LARP4B: variants seen among roughly 807,000 people sequenced by gnomAD.
The protein encoded by LARP4B is La ribonucleoprotein 4B.
In LARP4B, 12 loss-of-function variants were observed where a neutral mutation model predicts 89.8. The observed-to-expected ratio is 0.13, with a 90% CI of 0.09 to 0.22. The LOEUF (loss-of-function observed/expected upper bound fraction) is 0.22, where lower values mean the gene tolerates loss of function less well. Among genes scored for constraint, LARP4B ranks in the 10% least tolerant of loss-of-function variants. The pLI is 1.00. For synonymous variants in LARP4B, 367 were observed against 363.3 expected (o/e 1.01, Z -0.12); for missense variants, 757 against 947.7 (o/e 0.80, Z 2.64).
At chr10:976,444 G>GTGGT in the LARP4B span, among the ~76,000 whole-genome samples, 1 of 148,330 alleles carries the variant, frequency 6.7e-6, no homozygotes, top group African/African-American at 2.5e-5. Flanking sequence ...CGCGTAATGT[G>GTGGT]CGGTCCGGCC....
chr10:938,326 C>G, the LARP4B span, among the ~76,000 whole-genome samples: 2 of 150,846 alleles, frequency 1.3e-5, no homozygotes, highest in African/African-American at 4.9e-5. Context: ...TTTGGGCTCA[C>G]TACAAGCTCC....
At chr10:859,843 G>GA (rs1167038538) in intron 5 of LARP4B, among the ~76,000 whole-genome samples, 2 of 145,886 alleles carry the variant, frequency 1.4e-5, no homozygotes, top group East Asian at 2.0e-4. Flanking sequence ...TGGAGACAGT[G>GA]AAAAAACCAA....
intron 5 of LARP4B, among the ~76,000 whole-genome samples, chr10:845,769 G>T (rs1035771289): frequency 8.5e-5 from 13 of 152,166 alleles, no homozygotes; most frequent in African/African-American, 2.9e-4. Flanking sequence ...GCATAAAGAG[G>T]TATTTTAATA....
chr10:975,056 C>T, the LARP4B span, among the ~76,000 whole-genome samples: 1 of 152,228 alleles, frequency 6.6e-6, no homozygotes, highest in African/African-American at 2.4e-5. Context: ...CCACTAGTCA[C>T]CACCACAGCA....
At chr10:846,495 C>T (rs528364814) in intron 5 of LARP4B, among the ~76,000 whole-genome samples, 2 of 152,122 alleles carry the variant, frequency 1.3e-5, no homozygotes, top group African/African-American at 4.8e-5. Flanking sequence ...CACAGGGGTC[C>T]CAAGGTGGGG....
intron 1 of LARP4B, among the ~76,000 whole-genome samples, chr10:891,369 C>T (rs137965156): frequency 1.4e-4 from 22 of 152,098 alleles, no homozygotes; most frequent in African/African-American, 4.8e-4. Context: ...AAAAGAAAAA[C>T]GATAATCAGA....
intron 5 of LARP4B, among the ~76,000 whole-genome samples, chr10:857,372 T>C (rs1370914104): frequency 6.6e-6 from 1 of 152,140 alleles, no homozygotes; most frequent in Non-Finnish European, 1.5e-5. Context: ...CAGACTGCCT[T>C]TGATGGGCTA....
chr10:977,029 G>A, the LARP4B span, among the ~76,000 whole-genome samples: 1 of 152,176 alleles, frequency 6.6e-6, no homozygotes, highest in Non-Finnish European at 1.5e-5. Flanking sequence ...TTTCTTGTCT[G>A]CAAAATGAGA....
chr10:929,242 A>G (rs930327592), intron 1 of LARP4B, among the ~76,000 whole-genome samples: 1 of 145,768 alleles, frequency 6.9e-6, no homozygotes, highest in African/African-American at 2.8e-5. Flanking sequence ...AAACAAAAAA[A>G]CAAAAACAAA....
chr10:847,511 A>G (rs927734158), intron 5 of LARP4B, among the ~76,000 whole-genome samples: 18 of 151,420 alleles, frequency 1.2e-4, no homozygotes, highest in African/African-American at 4.3e-4. Flanking sequence ...CCTATGTGAC[A>G]TGAAACTTTT....
At chr10:929,564 C>T (rs1451949207) in intron 1 of LARP4B, among the ~76,000 whole-genome samples, 1 of 151,198 alleles carries the variant, frequency 6.6e-6, no homozygotes, top group Non-Finnish European at 1.5e-5. Context: ...TGTCACTGCA[C>T]TCCATCCTGG....
chr10:924,101 G>A (rs990857086), intron 1 of LARP4B, among the ~76,000 whole-genome samples: 31 of 152,098 alleles, frequency 2.0e-4, no homozygotes, highest in African/African-American at 7.2e-4. Flanking sequence ...TAATTAGCCA[G>A]GTGTGGTGGC....
At position 812,816 on chromosome 10, in the gene LARP4B, G is replaced by C; in HGVS notation, c.*110C>G. 4 of 978,380 alleles carry C rather than the reference G, an allele frequency of 4.1e-6. No individual in the cohort carries two copies. The highest frequency in any genetic ancestry group is 5.6e-6 in the Non-Finnish European group (4 of 720,654). 60.6% of individuals were successfully genotyped at this position (978,380 alleles called of 1,614,324 possible). A position where few individuals can be genotyped will look rare whatever the true frequency, so the allele number is the denominator to read the frequency against. On this transcript the variant is annotated 3_prime_UTR_variant, in exon 18 of 18. Transcript: ENST00000316157. ...GAAAACCAACTTGAGGATCCCACAG[G>C]CCTCAGACACTGCAAGCTCCTAACC...
intron 7 of LARP4B, among the ~76,000 whole-genome samples, chr10:838,028 T>C (rs971548530): frequency 2.6e-5 from 4 of 152,076 alleles, no homozygotes; most frequent in Non-Finnish European, 4.4e-5. Flanking sequence ...TCATTGACAA[T>C]GTGACCGTGG....
chr10:883,618 T>C (rs777209558), intron 3 of LARP4B, among the ~76,000 whole-genome samples: 1 of 151,786 alleles, frequency 6.6e-6, no homozygotes, highest in Non-Finnish European at 1.5e-5. Context: ...GAAGGTGTCT[T>C]TTGTTTTTTT....
At chr10:820,645 C>T in intron 14 of LARP4B, 155 bp downstream of exon 14, 3 of 683,592 alleles carry the variant, frequency 4.4e-6, no homozygotes, top group Non-Finnish European at 7.3e-6. Context: ...CCTAGGCCAG[C>T]CAGGGTGTCA....
intron 1 of LARP4B, among the ~76,000 whole-genome samples, chr10:895,110 C>T (rs894027712): frequency 6.6e-6 from 1 of 152,026 alleles, no homozygotes; most frequent in African/African-American, 2.4e-5. Flanking sequence ...TGCCTGAATC[C>T]GGGAGGCAGA....
At chr10:863,537 A>G (rs1425049262) in intron 5 of LARP4B, among the ~76,000 whole-genome samples, 1 of 152,044 alleles carries the variant, frequency 6.6e-6, no homozygotes, top group Non-Finnish European at 1.5e-5. Flanking sequence ...CCCAGGTTTC[A>G]TCTTTTGAGA....
the LARP4B span, among the ~76,000 whole-genome samples, chr10:957,489 A>G: frequency 3.3e-5 from 5 of 152,070 alleles, no homozygotes; most frequent in African/African-American, 1.2e-4. Flanking sequence ...TCTATTGGCA[A>G]TTTTGGGATT....
Sources: allele counts gnomAD v4.1 joint callset (sites outside exome capture counted in the v4.1 genomes callset), GRCh38; gene constraint gnomAD v4.1.1; transcripts MANE v1.5; gene names NCBI Gene and HGNC (gene_info 2026-07-23, HGNC 2026-07-21).